Variants in MTMR3 observed in about 807,000 individuals in gnomAD.
The protein encoded by MTMR3 is phosphatidylinositol-3,5-bisphosphate 3-phosphatase MTMR3.
Under a neutral mutation model 132.4 loss-of-function variants are expected in MTMR3, and 32 were observed. The observed-to-expected ratio is 0.24, with a 90% CI of 0.18 to 0.32. The LOEUF (loss-of-function observed/expected upper bound fraction) is 0.32, where lower values mean the gene tolerates loss of function less well. Ranked by LOEUF, MTMR3 falls within the 10% of genes least tolerant of loss-of-function variation. The pLI, the probability that MTMR3 is intolerant of heterozygous loss-of-function variation, is 1.00. For missense variants in MTMR3, 1,216 were observed against 1,489.6 expected (o/e 0.82, Z 3.02); for synonymous variants, 556 against 550.3 (o/e 1.01, Z -0.14).
At position 29,979,317 on chromosome 22, in the gene MTMR3, C is replaced by T. The variant is rs150962090; in HGVS notation, c.210+265C>T. On this transcript the variant is annotated intron_variant, in intron 5 of 19. Transcript: ENST00000401950. Reference sequence around the variant, plus strand: ...ACCATCCTGGCTAACACGGTGAAACCCCATTTCTACTAAAAATACAAAAAA... The same window carrying T: ...ACCATCCTGGCTAACACGGTGAAACTCCATTTCTACTAAAAATACAAAAAA... 4.3e-3 allele frequency: 1,066 copies of T among 247,826 alleles called. 18 individuals are homozygous for T. Among genetic ancestry groups the T allele is most frequent in the African/African-American group, 0.023 (1,016 of 43,514 alleles). The allele number at this position is 247,826 out of a possible 1,614,324, so 15.4% of individuals were successfully genotyped here. A position where few individuals can be genotyped will look rare whatever the true frequency, so the allele number is the denominator to read the frequency against.
At chr22:29,990,048 C>T (rs1449744094) in intron 6 of MTMR3, 1 of 152,192 alleles carries the variant, frequency 6.6e-6, no homozygotes, top group African/African-American at 2.4e-5. Context: ...GCCTGGCCAA[C>T]ATGGCAAATC....
At chr22:29,961,840 C>A (rs1436265283) in intron 2 of MTMR3, among the ~76,000 whole-genome samples, 2 of 152,170 alleles carry the variant, frequency 1.3e-5, no homozygotes, top group Non-Finnish European at 2.9e-5. Context: ...TCTTTTGTAT[C>A]ATTTTTACTG....
Position 30,007,241 on chromosome 22 carries a change from T to C in MTMR3, c.799T>C (p.Ser267Pro). 1.2e-6 allele frequency: 2 copies of C among 1,614,216 alleles called. No individual in the cohort carries two copies. The highest frequency in any genetic ancestry group is 1.7e-6 in the Non-Finnish European group (2 of 1,180,028). Residue 267 changes from serine (S) to proline (P), a missense_variant, in exon 10 of 20, where the codon TCG becomes CCG. Around this residue, in one of 7 missense-constraint regions of MTMR3, gnomAD observed 129 missense variants for 245.7 expected, o/e 0.53. Transcript: ENST00000401950. ...VAKACASDSR[S>P]SGSKLSTRNT... Reference sequence around the variant, plus strand: ...CAAAGCTTGTGCCTCTGACTCCCGATCGAGTGGCAGCAAGCTGTCAACTAG... The same window carrying C: ...CAAAGCTTGTGCCTCTGACTCCCGACCGAGTGGCAGCAAGCTGTCAACTAG...
chr22:29,943,886 C>T (rs573402148), intron 1 of MTMR3, among the ~76,000 whole-genome samples: 17 of 151,240 alleles, frequency 1.1e-4, no homozygotes, highest in African/African-American at 3.4e-4. Flanking sequence ...TGTAGTAGCA[C>T]GATCTTGGCT....
At chr22:30,005,694 T>C (rs1464806972) in intron 9 of MTMR3, 1 of 152,220 alleles carries the variant, frequency 6.6e-6, no homozygotes, top group African/African-American at 2.4e-5. Context: ...AAACTGGTGA[T>C]TTCAGTGGAA....
rs2067904606 is a variant in MTMR3, at chr22:30,026,029, C to T, written c.*228C>T. The T allele has an allele frequency of 2.2e-6, 1 of 452,578 alleles. No individual in the cohort carries two copies. Among genetic ancestry groups the T allele is most frequent in the African/African-American group, 2.0e-5 (1 of 50,726 alleles). 28.0% of individuals were successfully genotyped at this position (452,578 alleles called of 1,614,324 possible). On this transcript the variant is annotated 3_prime_UTR_variant, in exon 20 of 20. Coordinates refer to ENST00000401950, the MANE Select transcript of MTMR3 (RefSeq NM_021090.4). ...CCTCCTCTGCCTTCAAAAAAGGAAA[C>T]TTTCCCTTGGTTGTCTTAATTTTTT...
chr22:29,927,465 A>G (rs138027290), intron 1 of MTMR3, among the ~76,000 whole-genome samples: 119 of 152,360 alleles, frequency 7.8e-4, no homozygotes, highest in African/African-American at 2.8e-3. Flanking sequence ...GGTTATCTTT[A>G]GATCAGTGAA....
chr22:29,952,886 A>G (rs1007807725), intron 1 of MTMR3, among the ~76,000 whole-genome samples: 1 of 152,206 alleles, frequency 6.6e-6, no homozygotes, highest in Non-Finnish European at 1.5e-5. Context: ...ATGCTACAGA[A>G]TTCTAGTTTC....
At chr22:29,950,793 C>T (rs190417571) in intron 1 of MTMR3, among the ~76,000 whole-genome samples, 1 of 152,290 alleles carries the variant, frequency 6.6e-6, no homozygotes, top group East Asian at 1.9e-4. Context: ...CAGAAAATAA[C>T]TTTACAGATT....
In MTMR3 at chr22:30,009,134, G is replaced by A; in HGVS notation, c.1121+5G>A. The stretch of plus-strand genomic sequence containing the variant: ...TCAGATGCCAGATCCGGGAAAGTAA[G>A]TCCTTGGCCTTGGCTTTCATTTTGC... On this transcript the variant is annotated splice_donor_5th_base_variant and intron_variant, in intron 12 of 19. Transcript: ENST00000401950. The A allele has an allele frequency of 6.3e-7, 1 of 1,582,682 alleles. No individual in the cohort carries two copies. Among genetic ancestry groups the A allele is most frequent in the Non-Finnish European group, 8.7e-7 (1 of 1,151,552 alleles).
chr22:29,907,243 A>T (rs1476215414), intron 1 of MTMR3, among the ~76,000 whole-genome samples: 1 of 151,968 alleles, frequency 6.6e-6, no homozygotes, highest in Admixed American at 6.6e-5. Flanking sequence ...TACTAAAAAA[A>T]TACAAAAAAT....
rs549636794 is a variant in MTMR3, at chr22:29,888,027, T to G, written c.-138+4668T>G. ...AGTTAATACTGTTTTGTTTTGTTTT[T>G]TTTTTTGGACACAGAATCTTGCTCT... On this transcript the variant is annotated intron_variant, in intron 1 of 19. Coordinates refer to ENST00000401950, the MANE Select transcript of MTMR3 (RefSeq NM_021090.4). Among the ~76,000 whole-genome samples the G allele has an allele frequency of 3.5e-4, 54 of 152,168 alleles. 1 individual carries two copies. The highest frequency in any genetic ancestry group is 2.6e-3 in the Admixed American group (39 of 15,290).
intron 2 of MTMR3, among the ~76,000 whole-genome samples, chr22:29,967,304 A>G (rs1227522710): frequency 6.6e-6 from 1 of 151,720 alleles, no homozygotes; most frequent in Non-Finnish European, 1.5e-5. Context: ...GTGCAGTAGC[A>G]TAAGCTCACT....
chr22:30,007,977 C>A lies in MTMR3; in HGVS notation c.954C>A (p.Arg318=), dbSNP rs1178516239. 5 of 1,613,492 alleles carry A rather than the reference C, an allele frequency of 3.1e-6. No homozygotes were observed. The South Asian group carries it at 5.5e-5, about 18-fold the overall frequency. ...QPQKLLILDA[R]SYAAAVANRA... ...AGAAGCTTTTGATCTTGGATGCACG[C>A]TCCTATGCAGCTGCTGTGGCAAACC... The change falls in exon 11 of 20, where the codon CGC becomes CGA. Residue 318 remains arginine (R), a synonymous_variant. Coordinates refer to ENST00000401950, the MANE Select transcript of MTMR3 (RefSeq NM_021090.4).
At chr22:30,024,036 T>C (rs1427381650) in intron 19 of MTMR3, 4 of 154,018 alleles carry the variant, frequency 2.6e-5, no homozygotes, top group African/African-American at 9.6e-5. Flanking sequence ...GGCTTACGCC[T>C]ATAATCCTAG....
At chr22:29,915,240 T>G (rs2065286059) in intron 1 of MTMR3, among the ~76,000 whole-genome samples, 1 of 152,242 alleles carries the variant, frequency 6.6e-6, no homozygotes. Context: ...TTGATAATAT[T>G]TGCCATCCCC....
intron 1 of MTMR3, among the ~76,000 whole-genome samples, chr22:29,906,740 A>G (rs757267256): frequency 2.0e-4 from 30 of 152,232 alleles, no homozygotes; most frequent in Non-Finnish European, 3.7e-4. Context: ...GTTGCCCTAT[A>G]TCTACTCCCC....
intron 8 of MTMR3, chr22:30,001,724 C>A (rs1464358098): frequency 6.6e-6 from 1 of 152,152 alleles, no homozygotes; most frequent in Non-Finnish European, 1.5e-5. Flanking sequence ...GAATGAGATT[C>A]ATGGTTAGAT....
intron 1 of MTMR3, among the ~76,000 whole-genome samples, chr22:29,945,066 G>A (rs1263589496): frequency 2.0e-5 from 3 of 152,128 alleles, no homozygotes; most frequent in Non-Finnish European, 4.4e-5. Context: ...AGGCTGGAGT[G>A]CAGAGGGATG....
Sources: gnomAD v4.1 joint callset for allele counts (sites outside exome capture counted in the v4.1 genomes callset) on GRCh38, gnomAD v4.1.1 for gene constraint, gnomAD v4.1.1 regional missense constraint, MANE v1.5 for transcripts, NCBI Gene and HGNC (gene_info 2026-07-23, HGNC 2026-07-21) for gene names.